Variants in PIEZO2 observed in about 807,000 individuals in gnomAD.
PIEZO2 encodes piezo-type mechanosensitive ion channel component 2.
PIEZO2 carries 172 observed loss-of-function variants against 337.3 expected under a neutral mutation model. That is an observed-to-expected ratio of 0.51 (90% CI 0.45 to 0.58). PIEZO2 has a LOEUF of 0.58. Among genes scored for constraint, PIEZO2 ranks in the 20% least tolerant of loss-of-function variants. The probability of loss-of-function intolerance (pLI) is 0.00; values close to 1 mark genes in which losing one functional copy is unlikely to be tolerated. For missense variants in PIEZO2, 3,028 were observed against 3,391.3 expected (o/e 0.89, Z 2.66); for synonymous variants, 1,251 against 1,228.5 (o/e 1.02, Z -0.38).
At chr18:10,801,546 G>T in intron 9 of PIEZO2, 118 bp from the exon 10 acceptor site, 1 of 870,278 alleles carries the variant, frequency 1.1e-6, no homozygotes, top group Non-Finnish European at 1.8e-6. Flanking sequence ...CTGATTGCTA[G>T]TATATTAATA....
intron 35 of PIEZO2, among the ~76,000 whole-genome samples, chr18:10,733,407 T>C (rs561628533): frequency 2.0e-5 from 3 of 152,070 alleles, no homozygotes; most frequent in Admixed American, 2.0e-4. Context: ...GTCCCAATCC[T>C]TACTGAGTCA....
intron 7 of PIEZO2, among the ~76,000 whole-genome samples, chr18:10,851,905 A>G (rs1037392955): frequency 6.6e-6 from 1 of 152,084 alleles, no homozygotes; most frequent in Non-Finnish European, 1.5e-5. Flanking sequence ...GGTTCTGAAT[A>G]TTCTTTGTAT....
Position 10,878,706 on chromosome 18 carries a change from G to A in PIEZO2, c.330-7291C>T, listed in dbSNP as rs1340973295. Among the ~76,000 whole-genome samples the A allele has an allele frequency of 6.6e-6, 1 of 151,802 alleles. No homozygotes were observed. The highest frequency in any genetic ancestry group is 1.5e-5 in the Non-Finnish European group (1 of 67,976). On this transcript the variant is annotated intron_variant, in intron 4 of 55. Coordinates refer to ENST00000674853, the MANE Select transcript of PIEZO2 (RefSeq NM_001378183.1). This position sits in a 1 kb window ranked among gnomAD's most constrained non-coding sequence, Gnocchi z 4.3. ...CACTGTCTCTAAGCACAGAGTATTG[G>A]TTGTGAAGTTATATATGAAGGAAGT... is the stretch of plus-strand genomic sequence containing the variant.
intron 1 of PIEZO2, among the ~76,000 whole-genome samples, chr18:11,123,791 G>A (rs948225047): frequency 1.3e-4 from 19 of 149,428 alleles, no homozygotes; most frequent in African/African-American, 4.8e-4. Context: ...ACCTGGGCGA[G>A]AGAGGGAGAC....
Position 11,009,246 on chromosome 18 carries a change from G to C in PIEZO2, c.161-29586C>G, listed in dbSNP as rs2035816043. ...TAAATAATTTTCAATGAATTGCTGA[G>C]TCTCTGAAGAGTGCTGGGCTTCACA... On this transcript the variant is annotated intron_variant, in intron 2 of 55. Coordinates refer to ENST00000674853, the MANE Select transcript of PIEZO2 (RefSeq NM_001378183.1). This position sits in a 1 kb window ranked among gnomAD's most constrained non-coding sequence, Gnocchi z 4.6. 6.6e-6 allele frequency among the ~76,000 whole-genome samples: 1 copy of C among 152,204 alleles called. No homozygotes were observed. The highest frequency in any genetic ancestry group is 6.5e-5 in the Admixed American group (1 of 15,286).
chr18:10,935,494 G>A (rs950639152), intron 3 of PIEZO2, among the ~76,000 whole-genome samples: 2 of 152,208 alleles, frequency 1.3e-5, no homozygotes, highest in Non-Finnish European at 2.9e-5. Context: ...CATTGTTTGA[G>A]AAAAGACTCT....
Position 10,726,757 on chromosome 18 carries a change from C to T in PIEZO2, c.5029+4650G>A. 1.3e-6 allele frequency: 2 copies of T among 1,492,888 alleles called. No individual in the cohort carries two copies. Among genetic ancestry groups the T allele is most frequent in the South Asian group, 2.3e-5 (2 of 87,890 alleles). 92.5% of individuals were successfully genotyped at this position (1,492,888 alleles called of 1,614,324 possible). A position where few individuals can be genotyped will look rare whatever the true frequency, so the allele number is the denominator to read the frequency against. On this transcript the variant is annotated intron_variant, in intron 36 of 55. Coordinates refer to ENST00000674853, the MANE Select transcript of PIEZO2 (RefSeq NM_001378183.1). This position sits in a 1 kb window ranked among gnomAD's most constrained non-coding sequence, Gnocchi z 5.9. ...TCGCCAGACCATCGATTTCCCGCTG[C>T]TGACCTCACTGGGCAAGGTGTCCTA...
Position 11,148,533 on chromosome 18 carries a change from A to G in PIEZO2, c.56T>C (p.Leu19Pro). 1 of 1,537,198 alleles carries G rather than the reference A, an allele frequency of 6.5e-7. No homozygotes were observed. The highest frequency in any genetic ancestry group is 8.7e-7 in the Non-Finnish European group (1 of 1,146,892). ...LIFRLLLPIC[L>P]AVACAFRYNG... ...AAGCGGACCAGACTCACCTACTGCCAGGCAGATGGGCAGCAGCAGCCTGAA... is the reference window on the plus strand; with the variant it reads ...AAGCGGACCAGACTCACCTACTGCCGGGCAGATGGGCAGCAGCAGCCTGAA... The change falls in exon 1 of 56, where the codon CTG (leucine) becomes CCG (proline). Residue 19 changes from leucine to proline, a missense_variant. Physicochemically the swap from Leu to Pro is moderately conservative, Grantham distance 98. Around this residue, in one of 5 missense-constraint regions of PIEZO2, gnomAD observed 542 missense variants for 605.6 expected, o/e 0.89. Coordinates refer to ENST00000674853, the MANE Select transcript of PIEZO2 (RefSeq NM_001378183.1). The surrounding 1 kb of genome is among the most constrained non-coding windows in gnomAD (Gnocchi z 5.2).
At chr18:10,703,722 A>G (rs1033987857) in intron 42 of PIEZO2, among the ~76,000 whole-genome samples, 7 of 151,838 alleles carry the variant, frequency 4.6e-5, no homozygotes, top group African/African-American at 1.5e-4. Context: ...GGCATTCGTG[A>G]TCCTGTCTAT....
At chr18:11,140,097 C>G (rs2040599285) in intron 1 of PIEZO2, among the ~76,000 whole-genome samples, 1 of 152,206 alleles carries the variant, frequency 6.6e-6, no homozygotes, top group Admixed American at 6.5e-5. Context: ...GTGGCAGCAG[C>G]TTCCACTGCA....
intron 4 of PIEZO2, among the ~76,000 whole-genome samples, chr18:10,905,782 C>A (rs2145036991): frequency 6.6e-6 from 1 of 152,234 alleles, no homozygotes; most frequent in South Asian, 2.1e-4. Context: ...CCTAAGTCCA[C>A]TCTTTTATAA....
chr18:10,989,841 A>G (rs1200450939), intron 2 of PIEZO2, among the ~76,000 whole-genome samples: 1 of 152,202 alleles, frequency 6.6e-6, no homozygotes, highest in African/African-American at 2.4e-5. Flanking sequence ...GTTTTTGTAA[A>G]GAGAAACAAC....
chr18:10,715,441 G>A (rs1480966259), intron 38 of PIEZO2, among the ~76,000 whole-genome samples: 2 of 152,020 alleles, frequency 1.3e-5, no homozygotes, highest in Non-Finnish European at 2.9e-5. Flanking sequence ...ATTCTGTGAC[G>A]TGTGTGTGTG....
chr18:10,891,168 A>G (rs1490100243), intron 4 of PIEZO2, among the ~76,000 whole-genome samples: 2 of 152,168 alleles, frequency 1.3e-5, no homozygotes, highest in Non-Finnish European at 2.9e-5. Context: ...TATTAAAAAT[A>G]CAAAAATTAG....
In PIEZO2 at chr18:10,982,986, G is replaced by T. The variant is rs1288475334; in HGVS notation, c.161-3326C>A. Among the ~76,000 whole-genome samples the T allele has an allele frequency of 6.6e-6, 1 of 152,092 alleles. No individual in the cohort carries two copies. The highest frequency in any genetic ancestry group is 1.5e-5 in the Non-Finnish European group (1 of 68,012). ...TCCGCCTGCCCCAGCCTCCCAAAGTGCTGGGATTACAGGAATGAGCCACCG... is the reference window on the plus strand; with the variant it reads ...TCCGCCTGCCCCAGCCTCCCAAAGTTCTGGGATTACAGGAATGAGCCACCG... On this transcript the variant is annotated intron_variant, in intron 2 of 55. Transcript: ENST00000674853. The surrounding 1 kb of genome is among the most constrained non-coding windows in gnomAD (Gnocchi z 4.1).
At position 10,714,838 on chromosome 18, in the gene PIEZO2, C is replaced by G; in HGVS notation, c.5349G>C (p.Glu1783Asp). 1 of 1,537,248 alleles carries G rather than the reference C, an allele frequency of 6.5e-7. No individual in the cohort carries two copies. Among genetic ancestry groups the G allele is most frequent in the East Asian group, 2.4e-5 (1 of 40,920 alleles). The change falls in exon 39 of 56, where the codon GAG becomes GAC. Residue 1783 changes from glutamate (E) to aspartate (D), a missense_variant. Glu to Asp is a conservative substitution (Grantham distance 45, BLOSUM62 2). Coordinates refer to ENST00000674853, the MANE Select transcript of PIEZO2 (RefSeq NM_001378183.1). ...SRESGLDTID[E>D]HPGAASGAQT... ...GTGCACCTGAAGCAGCTCCGGGATG[C>G]TCGTCAATGGTGTCCAGTCCCGACT...
Position 10,784,846 on chromosome 18 carries a change from G to A in PIEZO2, c.2430C>T (p.Asp810=). The A allele has an allele frequency of 3.3e-6, 5 of 1,537,748 alleles. No individual in the cohort carries two copies. Among genetic ancestry groups the A allele is most frequent in the Middle Eastern group, 1.7e-4 (1 of 5,996 alleles). The change falls in exon 17 of 56, where the codon GAC becomes GAT. Residue 810 remains aspartate, a synonymous_variant. Coordinates refer to ENST00000674853, the MANE Select transcript of PIEZO2 (RefSeq NM_001378183.1). The surrounding 1 kb of genome is among the most constrained non-coding windows in gnomAD (Gnocchi z 4.5). The stretch of plus-strand genomic sequence containing the variant: ...TGAGGTCTGTGAGTTCAAGGAACCG[G>A]TCATGGAAGTAGTGCAGGTGTAAAA... ...VCILHLHYFH[D]RFLELTDLKS... is the part of the protein sequence containing the mutation.
intron 7 of PIEZO2, among the ~76,000 whole-genome samples, chr18:10,836,284 T>C (rs2144574906): frequency 6.6e-6 from 1 of 152,270 alleles, no homozygotes; most frequent in Admixed American, 6.5e-5. Flanking sequence ...AAGCAAACAA[T>C]CCCATCCTGA....
At chr18:11,006,209 CT>C (rs2035714854) in intron 2 of PIEZO2, among the ~76,000 whole-genome samples, 1 of 152,146 alleles carries the variant, frequency 6.6e-6, no homozygotes, top group African/African-American at 2.4e-5. Flanking sequence ...TTGTAATTAT[CT>C]TTTTTTAATT....
Sources: gnomAD v4.1 joint callset for allele counts (sites outside exome capture counted in the v4.1 genomes callset) on GRCh38, gnomAD v4.1.1 for gene constraint, gnomAD v4.1.1 regional missense constraint, Gnocchi (gnomAD v3.1) non-coding constraint, MANE v1.5 for transcripts, NCBI Gene and HGNC (gene_info 2026-07-23, HGNC 2026-07-21) for gene names.